PALM2AKAP2: variants seen among roughly 807,000 people sequenced by gnomAD.
PALM2AKAP2 encodes PALM2-AKAP2 fusion protein.
A neutral mutation model predicts 71.5 loss-of-function variants in PALM2AKAP2; 37 were observed. The ratio of observed to expected loss-of-function variants is 0.52; its 90% CI spans 0.40 to 0.68. The LOEUF (loss-of-function observed/expected upper bound fraction) is 0.68, where lower values mean the gene tolerates loss of function less well. PALM2AKAP2 is among the 30% of genes least tolerant of loss of function. PALM2AKAP2 has a pLI of 0.00. For synonymous variants in PALM2AKAP2, 468 were observed against 478.8 expected, an observed-to-expected ratio of 0.98 and a Z score of 0.29; for missense variants, 1,224 against 1,191.8, an observed-to-expected ratio of 1.03 and a Z score of -0.40.
At chr9:109,827,307 G>T (rs1828177106) in intron 1 of PALM2AKAP2, among the ~76,000 whole-genome samples, 1 of 152,178 alleles carries the variant, frequency 6.6e-6, no homozygotes, top group Non-Finnish European at 1.5e-5. Flanking sequence ...AGAATTGTCT[G>T]TAGTGCTTCT....
At chr9:110,016,694 G>A (rs548409744) in intron 7 of PALM2AKAP2, among the ~76,000 whole-genome samples, 1 of 152,270 alleles carries the variant, frequency 6.6e-6, no homozygotes, top group South Asian at 2.1e-4. Flanking sequence ...TCTGTTACGG[G>A]ATTAAACACA....
intron 1 of PALM2AKAP2, among the ~76,000 whole-genome samples, chr9:109,812,136 A>G (rs994117108): frequency 1.3e-5 from 2 of 152,258 alleles, no homozygotes; most frequent in African/African-American, 2.4e-5. Context: ...GGGAGAGGGC[A>G]GCTGGCCATC....
At chr9:109,899,036 T>C (rs1830271166) in intron 3 of PALM2AKAP2, among the ~76,000 whole-genome samples, 2 of 152,220 alleles carry the variant, frequency 1.3e-5, no homozygotes, top group African/African-American at 4.8e-5. Flanking sequence ...TCTCCCATTC[T>C]CTGAGTGACA....
chr9:109,939,524 T>A (rs1831310929), intron 6 of PALM2AKAP2, among the ~76,000 whole-genome samples: 1 of 152,252 alleles, frequency 6.6e-6, no homozygotes, highest in Admixed American at 6.5e-5. Flanking sequence ...ACTGAATGTT[T>A]GCAGAATAAT....
chr9:109,917,343 A>C (rs1830716632), intron 3 of PALM2AKAP2, among the ~76,000 whole-genome samples: 1 of 152,190 alleles, frequency 6.6e-6, no homozygotes, highest in South Asian at 2.1e-4. Context: ...TAAGATAATA[A>C]ATGTAGATTG....
chr9:109,869,638 C>T (rs1470606267), intron 2 of PALM2AKAP2, among the ~76,000 whole-genome samples: 1 of 140,226 alleles, frequency 7.1e-6, no homozygotes, highest in East Asian at 2.1e-4. Flanking sequence ...TCTATGCATC[C>T]ATTCATCCAT....
At chr9:110,019,110 G>A (rs780515842) in intron 7 of PALM2AKAP2, among the ~76,000 whole-genome samples, 12 of 151,836 alleles carry the variant, frequency 7.9e-5, no homozygotes, top group Non-Finnish European at 1.2e-4. Context: ...GTGATGGCGC[G>A]TGCCTGTAAT....
chr9:110,158,982 AC>A (rs1836531453), intron 3 of PALM2AKAP2, among the ~76,000 whole-genome samples: 1 of 152,134 alleles, frequency 6.6e-6, no homozygotes, highest in South Asian at 2.1e-4. Context: ...AATTTAGGGG[AC>A]CTTTTCTCCT....
intron 6 of PALM2AKAP2, chr9:109,946,052 G>A (rs1831497141): frequency 6.6e-6 from 1 of 152,170 alleles, no homozygotes; most frequent in African/African-American, 2.4e-5. Flanking sequence ...ATGAAGGTGT[G>A]TTTGAATATG....
At chr9:109,857,173 G>A (rs1174951567) in intron 1 of PALM2AKAP2, among the ~76,000 whole-genome samples, 1 of 152,136 alleles carries the variant, frequency 6.6e-6, no homozygotes, top group Non-Finnish European at 1.5e-5. Flanking sequence ...TCCAACTTTA[G>A]GGAGCCATAT....
At chr9:110,086,642 T>A (rs74929815) in intron 1 of PALM2AKAP2, among the ~76,000 whole-genome samples, 1,989 of 152,326 alleles carry the variant, frequency 0.013, 36 homozygotes, top group African/African-American at 0.046. Context: ...TCTAAATGAC[T>A]TGACTATCAA....
At chr9:110,050,100 C>T (rs964758392) in intron 1 of PALM2AKAP2, among the ~76,000 whole-genome samples, 36 of 152,232 alleles carry the variant, frequency 2.4e-4, no homozygotes, top group African/African-American at 8.2e-4. Context: ...GTTTTAAATG[C>T]AGCACAGGTG....
At chr9:109,731,302 C>T (rs1828553718) in intron 1 of PALM2AKAP2, among the ~76,000 whole-genome samples, 1 of 152,158 alleles carries the variant, frequency 6.6e-6, no homozygotes, top group African/African-American at 2.4e-5. Context: ...CATGATTTTG[C>T]TCTTTTCTGT....
chr9:109,822,791 C>T (rs1156493206), intron 1 of PALM2AKAP2, among the ~76,000 whole-genome samples: 2 of 152,096 alleles, frequency 1.3e-5, no homozygotes, highest in African/African-American at 4.8e-5. Context: ...GGGTTGATTC[C>T]ATGTCTTTGC....
chr9:109,770,261 C>T (rs1213129071), intron 1 of PALM2AKAP2, among the ~76,000 whole-genome samples: 1 of 151,972 alleles, frequency 6.6e-6, no homozygotes, highest in Non-Finnish European at 1.5e-5. Flanking sequence ...AGACCCAGAG[C>T]AGATTTTTTT....
intron 6 of PALM2AKAP2, among the ~76,000 whole-genome samples, chr9:110,011,411 T>C (rs1832883699): frequency 6.6e-6 from 1 of 152,206 alleles, no homozygotes; most frequent in Admixed American, 6.5e-5. Flanking sequence ...GCTATAGTTA[T>C]AAACCATGGA....
At chr9:109,864,125 G>T (rs1449630416) in intron 1 of PALM2AKAP2, among the ~76,000 whole-genome samples, 5 of 152,186 alleles carry the variant, frequency 3.3e-5, no homozygotes, top group Non-Finnish European at 7.3e-5. Flanking sequence ...AATAGCTGTG[G>T]ATGCACAGTG....
chr9:109,998,697 T>TGATTAC (rs1832620610), intron 6 of PALM2AKAP2, among the ~76,000 whole-genome samples: 1 of 150,112 alleles, frequency 6.7e-6, no homozygotes, highest in African/African-American at 2.5e-5. Context: ...AGCTCAGGCA[T>TGATTAC]TCAAGGCTGC....
rs748032934 is a variant in PALM2AKAP2 at position 110,136,960 on chromosome 9, G to T, written c.990G>T (p.Trp330Cys). The T allele has an allele frequency of 7.4e-6, 12 of 1,614,078 alleles. No individual in the cohort carries two copies. In the African/African-American group the frequency reaches 1.5e-4, roughly 20 times the overall value. ...AGAATCCTGGCATTGCAGCAAAATG[G>T]TGGAATCCCCCGCAGGAAAAAACCA... Residue 330 changes from tryptophan (W) to cysteine (C), a missense_variant, in exon 2 of 4, where the codon TGG becomes TGT. Coordinates refer to ENST00000374525, the Ensembl canonical transcript of PALM2AKAP2.
Sources: allele counts gnomAD v4.1 joint callset (sites outside exome capture counted in the v4.1 genomes callset), GRCh38; gene constraint gnomAD v4.1.1; transcripts MANE v1.5; gene names NCBI Gene and HGNC (gene_info 2026-07-23, HGNC 2026-07-21).